Variants in RFT1 observed in about 807,000 individuals in gnomAD.
RFT1 encodes man(5)GlcNAc(2)-PP-dolichol translocation protein RFT1.
Under a neutral mutation model 62.2 loss-of-function variants are expected in RFT1, and 43 were observed. The observed-to-expected ratio is 0.69, with a 90% CI of 0.54 to 0.89. The LOEUF (loss-of-function observed/expected upper bound fraction) is 0.89. RFT1 is among the 40% of genes least tolerant of loss of function. RFT1 has a pLI of 0.00. For missense variants in RFT1, 605 were observed against 649.9 expected (o/e 0.93, Z 0.75); for synonymous variants, 262 against 264.6 (o/e 0.99, Z 0.10).
Position 53,092,557 on chromosome 3 carries a change from G to T in RFT1, c.1270C>A (p.Arg424Ser), listed in dbSNP as rs138803905. Residue 424 changes from arginine (R) to serine (S), a missense_variant, in exon 12 of 13, where the codon CGT becomes AGT. By Grantham distance (110) the Arg-to-Ser change is moderately radical. Coordinates refer to ENST00000296292, the MANE Select transcript of RFT1 (RefSeq NM_052859.4). ...ATGAAGCCCACGCTGCCACACCAAC[G>T]GGTCAAGAGATAGGATAACACCAGG... ...SFLVLSYLLT[R>S]WCGSVGFILA... is the part of the protein sequence containing the mutation. 6.2e-7 allele frequency: 1 copy of T among 1,612,526 alleles called. No individual in the cohort carries two copies.
intron 11 of RFT1, among the ~76,000 whole-genome samples, chr3:53,097,672 TG>T (rs762595094): frequency 1.6e-4 from 25 of 152,224 alleles, no homozygotes; most frequent in Non-Finnish European, 2.6e-4. Context: ...ACACTAACAC[TG>T]AAGTTACCGT....
chr3:53,116,448 C>T (rs1000132373), intron 6 of RFT1, among the ~76,000 whole-genome samples: 1 of 152,106 alleles, frequency 6.6e-6, no homozygotes, highest in Non-Finnish European at 1.5e-5. Flanking sequence ...CATGTGCCAC[C>T]ATGCCCAGCT....
downstream of RFT1, among the ~76,000 whole-genome samples, chr3:53,087,749 G>A (rs1446057985): frequency 2.6e-5 from 4 of 152,120 alleles, no homozygotes; most frequent in South Asian, 2.1e-4. Context: ...TCAAAATCCC[G>A]GGCTCAAGCA....
Position 53,091,718 on chromosome 3 carries a change from C to A in RFT1, c.*185G>T. On this transcript the variant is annotated 3_prime_UTR_variant, in exon 13 of 13. Coordinates refer to ENST00000296292, the MANE Select transcript of RFT1 (RefSeq NM_052859.4). ...TCTTCACTTAAAAATGAAACTCCCC[C>A]CCCGCATTTCAGACTTCGAATGGTC... 1.5e-6 allele frequency: 1 copy of A among 659,450 alleles called. No individual in the cohort carries two copies. Among genetic ancestry groups the A allele is most frequent in the South Asian group, 1.7e-5 (1 of 59,512 alleles). 40.8% of individuals were successfully genotyped at this position (659,450 alleles called of 1,614,324 possible).
At chr3:53,112,047 A>G (rs1387262783) in intron 6 of RFT1, 139 bp from the exon 7 acceptor site, 1 of 727,192 alleles carries the variant, frequency 1.4e-6, no homozygotes, top group Non-Finnish European at 2.5e-6. Flanking sequence ...TCCAATGCTA[A>G]GCACACAGAA....
the RFT1 span, among the ~76,000 whole-genome samples, chr3:53,080,023 A>C: frequency 6.6e-6 from 1 of 152,062 alleles, no homozygotes; most frequent in African/African-American, 2.4e-5. Flanking sequence ...TGGCCACCCA[A>C]CACATGGCAG....
the RFT1 span, among the ~76,000 whole-genome samples, chr3:53,074,025 C>T: frequency 6.6e-6 from 1 of 152,184 alleles, no homozygotes; most frequent in African/African-American, 2.4e-5. Flanking sequence ...CCCGGTGAGG[C>T]AGGCCCTGCG....
downstream of RFT1, among the ~76,000 whole-genome samples, chr3:53,086,039 A>C (rs535846896): frequency 6.6e-6 from 1 of 152,352 alleles, no homozygotes; most frequent in East Asian, 1.9e-4. Context: ...TGATAATGCA[A>C]ATCAGTAAGT....
intron 1 of RFT1, among the ~76,000 whole-genome samples, chr3:53,129,975 T>C (rs1295057423): frequency 6.6e-6 from 1 of 152,112 alleles, no homozygotes; most frequent in African/African-American, 2.4e-5. Context: ...TTGAGGAAGG[T>C]GTTTGATGAA....
intron 6 of RFT1, among the ~76,000 whole-genome samples, chr3:53,113,323 G>C (rs1212249128): frequency 6.6e-6 from 1 of 152,182 alleles, no homozygotes; most frequent in Non-Finnish European, 1.5e-5. Flanking sequence ...TTGATGTTAG[G>C]TTCTTAATCC....
Position 53,103,131 on chromosome 3 carries a change from C to A in RFT1, c.1102+822G>T, listed in dbSNP as rs989642396. 15 of 985,336 alleles carry A rather than the reference C, an allele frequency of 1.5e-5. No individual in the cohort carries two copies. The South Asian group carries it at 2.8e-4, about 19-fold the overall frequency. The allele number at this position is 985,336 out of a possible 1,614,324, so 61.0% of individuals were successfully genotyped here. A position where few individuals can be genotyped will look rare whatever the true frequency, so the allele number is the denominator to read the frequency against. On this transcript the variant is annotated intron_variant, in intron 10 of 12. Coordinates refer to ENST00000296292, the MANE Select transcript of RFT1 (RefSeq NM_052859.4). ...GGTATAGAAACCTGGCCCTTCCTCC[C>A]CTAACACCAAAAGTTTGGGCCCCAT...
At chr3:53,099,576 C>T in intron 10 of RFT1, 90 bp from the exon 11 acceptor site, 1 of 976,674 alleles carries the variant, frequency 1.0e-6, no homozygotes, top group Non-Finnish European at 1.6e-6. Flanking sequence ...AGAACCAGAA[C>T]CAGACTATGA....
In RFT1 at chr3:53,091,777, C is replaced by T; in HGVS notation, c.*126G>A. ...CTCATGCAGTGGCACTCTCTGGTGCCTCATCTCTGGGGTTGCTGTCACTCC... is the reference window on the plus strand; with the variant it reads ...CTCATGCAGTGGCACTCTCTGGTGCTTCATCTCTGGGGTTGCTGTCACTCC... On this transcript the variant is annotated 3_prime_UTR_variant, in exon 13 of 13. Coordinates refer to ENST00000296292, the MANE Select transcript of RFT1 (RefSeq NM_052859.4). 2.0e-6 allele frequency: 2 copies of T among 999,014 alleles called. No homozygotes were observed. The highest frequency in any genetic ancestry group is 1.9e-5 in the Admixed American group (1 of 51,422). The allele number at this position is 999,014 out of a possible 1,614,324, so 61.9% of individuals were successfully genotyped here. A position where few individuals can be genotyped will look rare whatever the true frequency, so the allele number is the denominator to read the frequency against.
chr3:53,105,864 C>T, intron 8 of RFT1, 61 bp from the exon 9 acceptor site: 1 of 1,373,132 alleles, frequency 7.3e-7, no homozygotes, highest in Non-Finnish European at 1.0e-6. Flanking sequence ...ATTTTTATAG[C>T]ACTATTAAAA....
At chr3:53,101,809 G>A (rs1406194659) in intron 10 of RFT1, among the ~76,000 whole-genome samples, 1 of 152,138 alleles carries the variant, frequency 6.6e-6, no homozygotes, top group Non-Finnish European at 1.5e-5. Context: ...GGCTGAAGGG[G>A]GGCAGATCAT....
At chr3:53,118,763 G>T (rs1337401347) in intron 6 of RFT1, among the ~76,000 whole-genome samples, 1 of 152,152 alleles carries the variant, frequency 6.6e-6, no homozygotes, top group African/African-American at 2.4e-5. Context: ...ATGGGCAGCA[G>T]CACTGACCCC....
the RFT1 span, among the ~76,000 whole-genome samples, chr3:53,068,817 G>T: frequency 6.6e-6 from 1 of 152,186 alleles, no homozygotes; most frequent in Admixed American, 6.6e-5. Context: ...ACATTTAGTA[G>T]AAATCATACT....
At chr3:53,068,713 C>T in the RFT1 span, among the ~76,000 whole-genome samples, 2 of 152,312 alleles carry the variant, frequency 1.3e-5, no homozygotes, top group South Asian at 4.1e-4. Context: ...GAAAATACAA[C>T]AAAGGATTTA....
chr3:53,122,563 T>G lies in RFT1; in HGVS notation c.267A>C (p.Thr89=). The G allele has an allele frequency of 6.4e-7, 1 of 1,573,984 alleles. No individual in the cohort carries two copies. The highest frequency in any genetic ancestry group is 8.6e-7 in the Non-Finnish European group (1 of 1,157,972). ...WSQTLNLLWL[T]VPLGVFWSLF... is the part of the protein sequence containing the mutation. ...AGGACCAAAACACACCCAGGGGGAC[T>G]CTAGAAGAGGAGAAAAAAATAATTC... Residue 89 remains threonine (T), a splice_region_variant and synonymous_variant, in exon 4 of 13, where the codon ACA becomes ACC. Coordinates refer to ENST00000296292, the MANE Select transcript of RFT1 (RefSeq NM_052859.4).
Sources: allele counts gnomAD v4.1 joint callset (sites outside exome capture counted in the v4.1 genomes callset), GRCh38; gene constraint gnomAD v4.1.1; transcripts MANE v1.5; gene names NCBI Gene and HGNC (gene_info 2026-07-23, HGNC 2026-07-21).